The following GPR137C variants were observed in gnomAD, a reference collection of about 807,000 sequenced individuals.
The protein encoded by GPR137C is integral membrane protein GPR137C.
In GPR137C, 27 loss-of-function variants were observed where a neutral mutation model predicts 43.4. That is an observed-to-expected ratio of 0.62 (90% CI 0.46 to 0.86). The LOEUF is 0.86. GPR137C is among the 40% of genes least tolerant of loss of function. The pLI is 0.00. For synonymous variants in GPR137C, 285 were observed against 226.9 expected (o/e 1.26, Z -2.30); for missense variants, 522 against 534.6 (o/e 0.98, Z 0.23).
intron 1 of GPR137C, among the ~76,000 whole-genome samples, chr14:52,579,863 C>T (rs566587103): frequency 6.6e-6 from 1 of 152,296 alleles, no homozygotes; most frequent in Non-Finnish European, 1.5e-5. Flanking sequence ...TAGGTACCCT[C>T]TACCTAACAA....
chr14:52,553,523 C>T lies in GPR137C; in HGVS notation c.376C>T (p.Leu126=). 6.2e-7 allele frequency: 1 copy of T among 1,609,474 alleles called. No individual in the cohort carries two copies. Residue 126 remains leucine, a synonymous_variant, in exon 1 of 7, where the codon CTG becomes TTG. Coordinates refer to ENST00000321662, the MANE Select transcript of GPR137C (RefSeq NM_001099652.2). ...TCACCTGCACTTCTTCCCCCACTGG[C>T]TGCTCTACTGCTTCCCCTCCTGTCT... ...PAHLHFFPHW[L]LYCFPSCLQF...
intron 3 of GPR137C, among the ~76,000 whole-genome samples, chr14:52,602,844 A>G (rs2139532550): frequency 6.6e-6 from 1 of 152,234 alleles, no homozygotes; most frequent in East Asian, 1.9e-4. Context: ...CGTCATATTT[A>G]GTTGTACATA....
At chr14:52,611,265 G>A (rs940068795) in intron 3 of GPR137C, among the ~76,000 whole-genome samples, 1 of 151,910 alleles carries the variant, frequency 6.6e-6, no homozygotes, top group African/African-American at 2.4e-5. Flanking sequence ...GATTTGTAGA[G>A]TGGAATCTGG....
At chr14:52,585,102 T>C (rs2038696034) in intron 1 of GPR137C, among the ~76,000 whole-genome samples, 1 of 152,204 alleles carries the variant, frequency 6.6e-6, no homozygotes, top group African/African-American at 2.4e-5. Context: ...CCTTGCCACC[T>C]ACTTTCCTAG....
At chr14:52,621,731 A>G (rs2039163506) in intron 3 of GPR137C, among the ~76,000 whole-genome samples, 1 of 151,694 alleles carries the variant, frequency 6.6e-6, no homozygotes, top group African/African-American at 2.4e-5. Flanking sequence ...GAAGTTAAGG[A>G]TATATTTTAT....
chr14:52,603,368 C>A (rs924945822), intron 3 of GPR137C, among the ~76,000 whole-genome samples: 2 of 152,138 alleles, frequency 1.3e-5, no homozygotes, highest in Non-Finnish European at 1.5e-5. Flanking sequence ...TAGGTTGATT[C>A]CATATCTTGG....
chr14:52,600,533 C>T (rs1297256789), intron 3 of GPR137C, among the ~76,000 whole-genome samples, 192 bp downstream of exon 3: 1 of 152,116 alleles, frequency 6.6e-6, no homozygotes, highest in Admixed American at 6.5e-5. Context: ...TGCAGTACAG[C>T]CTTGAGCTTT....
In GPR137C at chr14:52,553,549, C is replaced by G. The variant is rs759944878; in HGVS notation, c.402C>G (p.Leu134=). 6 of 1,608,008 alleles carry G rather than the reference C, an allele frequency of 3.7e-6. No individual in the cohort carries two copies. In the Admixed American group the frequency reaches 1.0e-4, roughly 27 times the overall value. The change falls in exon 1 of 7, where the codon CTC becomes CTG. Residue 134 remains leucine, a synonymous_variant. Coordinates refer to ENST00000321662, the MANE Select transcript of GPR137C (RefSeq NM_001099652.2). ...TGCTCTACTGCTTCCCCTCCTGTCT[C>G]CAGTTCTCCACGCTCTGTCTCCTCA... ...HWLLYCFPSC[L]QFSTLCLLNL...
At chr14:52,629,261 G>A (rs1034160340) in intron 3 of GPR137C, among the ~76,000 whole-genome samples, 16 of 152,074 alleles carry the variant, frequency 1.1e-4, no homozygotes, top group Admixed American at 2.6e-4. Flanking sequence ...CAGCAATTCC[G>A]CTCTTAGGTA....
chr14:52,568,241 GA>G (rs368097818), intron 1 of GPR137C, among the ~76,000 whole-genome samples: 6 of 152,250 alleles, frequency 3.9e-5, no homozygotes, highest in African/African-American at 1.2e-4. Context: ...AGCCATGAGG[GA>G]CTCTGCCTTG....
chr14:52,558,932 A>G (rs113257066), intron 1 of GPR137C, among the ~76,000 whole-genome samples: 275 of 152,316 alleles, frequency 1.8e-3, no homozygotes, highest in African/African-American at 6.4e-3. Context: ...GGATATAATG[A>G]GCAGGTCCAA....
At chr14:52,578,246 AT>A (rs1346148019) in intron 1 of GPR137C, among the ~76,000 whole-genome samples, 1 of 152,120 alleles carries the variant, frequency 6.6e-6, no homozygotes, top group Non-Finnish European at 1.5e-5. Flanking sequence ...ACATTCTCGT[AT>A]TTTTAACTTG....
chr14:52,604,088 T>C (rs2038957108), intron 3 of GPR137C, among the ~76,000 whole-genome samples: 1 of 152,184 alleles, frequency 6.6e-6, no homozygotes, highest in African/African-American at 2.4e-5. Flanking sequence ...TCAGGTATGT[T>C]GCCCATTTTT....
At chr14:52,559,178 C>T (rs1566600307) in intron 1 of GPR137C, among the ~76,000 whole-genome samples, 1 of 151,948 alleles carries the variant, frequency 6.6e-6, no homozygotes, top group Non-Finnish European at 1.5e-5. Flanking sequence ...AGATCGAGAC[C>T]CTCCTGGCTA....
intron 1 of GPR137C, among the ~76,000 whole-genome samples, chr14:52,577,975 A>G (rs936497307): frequency 2.0e-5 from 3 of 152,092 alleles, no homozygotes; most frequent in African/African-American, 7.2e-5. Context: ...AAAAAAAAGC[A>G]ATAAAGGTAA....
At chr14:52,567,950 G>A (rs375677042) in intron 1 of GPR137C, among the ~76,000 whole-genome samples, 95 of 152,194 alleles carry the variant, frequency 6.2e-4, no homozygotes, top group Middle Eastern at 3.4e-3. Context: ...GAGCCACCGC[G>A]CCTGGCTGAG....
At chr14:52,627,507 G>A (rs2025135) in intron 3 of GPR137C, among the ~76,000 whole-genome samples, 8,325 of 152,160 alleles carry the variant, frequency 0.055, 757 homozygotes, top group African/African-American at 0.19. Flanking sequence ...AAGAAGACAA[G>A]TTGATTCCAA....
chr14:52,612,009 T>C, intron 3 of GPR137C: 1 of 985,402 alleles, frequency 1.0e-6, no homozygotes, highest in South Asian at 4.7e-5. Context: ...AGAATGTTGT[T>C]CTTTGGTAAA....
Position 52,636,331 on chromosome 14 carries a change from A to G in GPR137C, c.*1216A>G, listed in dbSNP as rs1349873710. The G allele has an allele frequency of 2.0e-5, 3 of 152,108 alleles. No individual in the cohort carries two copies. Among genetic ancestry groups the G allele is most frequent in the African/African-American group, 7.2e-5 (3 of 41,454 alleles). 9.4% of individuals were successfully genotyped at this position (152,108 alleles called of 1,614,324 possible). A position where few individuals can be genotyped will look rare whatever the true frequency, so the allele number is the denominator to read the frequency against. Reference sequence around the variant, plus strand: ...AATGTCCTATCCCAAATCTAAAAAAAAAGAAAATGGCAGGCTGAGATAATA... The same window carrying G: ...AATGTCCTATCCCAAATCTAAAAAAGAAGAAAATGGCAGGCTGAGATAATA... On this transcript the variant is annotated 3_prime_UTR_variant, in exon 7 of 7. Coordinates refer to ENST00000321662, the MANE Select transcript of GPR137C (RefSeq NM_001099652.2).
Sources: allele counts gnomAD v4.1 joint callset (sites outside exome capture counted in the v4.1 genomes callset), GRCh38; gene constraint gnomAD v4.1.1; transcripts MANE v1.5; gene names NCBI Gene and HGNC (gene_info 2026-07-23, HGNC 2026-07-21).